MYO18B: variants seen among roughly 807,000 people sequenced by gnomAD.
The protein encoded by MYO18B is myosin XVIIIB.
A neutral mutation model predicts 273.0 loss-of-function variants in MYO18B; 204 were observed. The ratio of observed to expected loss-of-function variants is 0.75; its 90% CI spans 0.67 to 0.84. The LOEUF (loss-of-function observed/expected upper bound fraction) is 0.84. Ranked by LOEUF, MYO18B falls within the 40% of genes least tolerant of loss-of-function variation. The pLI, the probability that MYO18B is intolerant of heterozygous loss-of-function variation, is 0.00. For missense variants in MYO18B, 3,212 were observed against 3,287.6 expected, an observed-to-expected ratio of 0.98 and a Z score of 0.56; for synonymous variants, 1,330 against 1,305.7, an observed-to-expected ratio of 1.02 and a Z score of -0.40.
chr22:25,840,676 A>G lies in MYO18B; in HGVS notation c.3209-3059A>G, dbSNP rs1451930520. Reference sequence around the variant, plus strand: ...TCTAGAATCAAGGAAATGTATTATCAAAGGGAATGTTTTCTGGATCCTGCC... The same window carrying G: ...TCTAGAATCAAGGAAATGTATTATCGAAGGGAATGTTTTCTGGATCCTGCC... On this transcript the variant is annotated intron_variant, in intron 17 of 43. Transcript: ENST00000335473. 4.6e-5 allele frequency among the ~76,000 whole-genome samples: 7 copies of G among 152,350 alleles called. No homozygotes were observed. The East Asian group carries it at 5.8e-4, about 13-fold the overall frequency.
At chr22:25,946,743 C>T (rs1464637159) in intron 35 of MYO18B, among the ~76,000 whole-genome samples, 3 of 152,176 alleles carry the variant, frequency 2.0e-5, no homozygotes, top group Non-Finnish European at 2.9e-5. Flanking sequence ...TGTGTGCTCA[C>T]CATCATGAGA....
At chr22:25,859,653 G>C (rs1237057849) in intron 21 of MYO18B, among the ~76,000 whole-genome samples, 3 of 151,800 alleles carry the variant, frequency 2.0e-5, no homozygotes, top group Non-Finnish European at 4.4e-5. Context: ...CATGTGCCTA[G>C]TAGCCATTTT....
rs554329187 is a variant in MYO18B at position 25,795,811 on chromosome 22, A to G, written c.2377-2142A>G. ...GCTTTGACGTCGTCCCAATTGGTTG[A>G]TGATTCTTGCAAGTTTCCCAGTTAG... On this transcript the variant is annotated intron_variant, in intron 11 of 43. Transcript: ENST00000335473. Among the ~76,000 whole-genome samples, 10 of 152,294 alleles carry G rather than the reference A, an allele frequency of 6.6e-5. No individual in the cohort carries two copies. In the South Asian group the frequency reaches 2.1e-3, roughly 32 times the overall value.
chr22:25,785,243 G>A (rs570764723), intron 10 of MYO18B, among the ~76,000 whole-genome samples, 185 bp from the exon 11 acceptor site: 22 of 152,202 alleles, frequency 1.4e-4, no homozygotes, highest in Non-Finnish European at 2.4e-4. Flanking sequence ...TGAGGGCTGT[G>A]CGTGAGGAAT....
intron 3 of MYO18B, among the ~76,000 whole-genome samples, chr22:25,766,716 G>C (rs1050523177): frequency 2.0e-5 from 3 of 152,232 alleles, no homozygotes; most frequent in Non-Finnish European, 2.9e-5. Context: ...GACCAGTACA[G>C]TTCATGCATG....
At chr22:26,062,240 C>T in the MYO18B span, among the ~76,000 whole-genome samples, 1 of 152,166 alleles carries the variant, frequency 6.6e-6, no homozygotes, top group South Asian at 2.1e-4. Context: ...TCATCTTCAA[C>T]AACAGAGTTG....
chr22:25,856,356 A>T (rs1366052867), intron 21 of MYO18B, among the ~76,000 whole-genome samples: 1 of 152,246 alleles, frequency 6.6e-6, no homozygotes, highest in Non-Finnish European at 1.5e-5. Flanking sequence ...GGGCAGGCAA[A>T]GTATTTAGTG....
At chr22:25,877,577 C>T (rs186210994) in intron 24 of MYO18B, among the ~76,000 whole-genome samples, 2 of 152,272 alleles carry the variant, frequency 1.3e-5, no homozygotes, top group Admixed American at 1.3e-4. Flanking sequence ...AAGTGATTCT[C>T]CTGCCTCAAG....
chr22:25,989,155 G>A (rs1279677350), intron 39 of MYO18B, among the ~76,000 whole-genome samples: 1 of 152,172 alleles, frequency 6.6e-6, no homozygotes, highest in Non-Finnish European at 1.5e-5. Context: ...GCAAAACGAG[G>A]AGGGGATGTC....
chr22:26,021,663 A>G (rs1393187423), intron 42 of MYO18B, among the ~76,000 whole-genome samples: 2 of 152,216 alleles, frequency 1.3e-5, no homozygotes, highest in African/African-American at 2.4e-5. Flanking sequence ...CAGCTAAGGA[A>G]GCTGAGGGTT....
the MYO18B span, among the ~76,000 whole-genome samples, chr22:26,059,019 C>G: frequency 6.6e-6 from 1 of 152,114 alleles, no homozygotes; most frequent in African/African-American, 2.4e-5. Flanking sequence ...GCCTCTTCAC[C>G]TTTTTAAAAT....
Position 26,031,019 on chromosome 22 carries a change from CAAAT to C in MYO18B, c.*594_*597del, listed in dbSNP as rs1936649580. The C allele has an allele frequency of 2.5e-6, 1 of 398,184 alleles. No homozygotes were observed. Among genetic ancestry groups the C allele is most frequent in the Non-Finnish European group, 4.4e-6 (1 of 225,972 alleles). The allele number at this position is 398,184 out of a possible 1,614,324, so 24.7% of individuals were successfully genotyped here. A position where few individuals can be genotyped will look rare whatever the true frequency, so the allele number is the denominator to read the frequency against. The stretch of plus-strand genomic sequence containing the variant: ...ATGAATGAATGAATGAGCCAAAGAA[CAAAT>C]AAATGAGCCCACACACCCTGAACGC... On this transcript the variant is annotated 3_prime_UTR_variant, in exon 44 of 44. Coordinates refer to ENST00000335473, the MANE Select transcript of MYO18B (RefSeq NM_032608.7).
At chr22:26,003,126 G>C in intron 40 of MYO18B, 139 bp from the exon 41 acceptor site, 1 of 735,126 alleles carries the variant, frequency 1.4e-6, no homozygotes, top group Non-Finnish European at 2.4e-6. Context: ...CTCAGGGAAG[G>C]CAAGTGACTT....
At chr22:25,876,590 A>C (rs2091206195) in intron 24 of MYO18B, among the ~76,000 whole-genome samples, 1 of 152,190 alleles carries the variant, frequency 6.6e-6, no homozygotes, top group South Asian at 2.1e-4. Context: ...AACACTCACT[A>C]CTTAACCCAG....
At chr22:26,024,941 G>A (rs1400308069) in intron 42 of MYO18B, among the ~76,000 whole-genome samples, 1 of 152,166 alleles carries the variant, frequency 6.6e-6, no homozygotes, top group South Asian at 2.1e-4. Flanking sequence ...TACATTTGTT[G>A]TCTGATTCAT....
intron 17 of MYO18B, among the ~76,000 whole-genome samples, chr22:25,841,978 C>T (rs1337398203): frequency 6.6e-6 from 1 of 152,244 alleles, no homozygotes; most frequent in Non-Finnish European, 1.5e-5. Flanking sequence ...GACTGCACAG[C>T]TCTGAAAGCG....
chr22:25,918,485 A>G (rs1406478215), intron 33 of MYO18B, among the ~76,000 whole-genome samples: 1 of 152,234 alleles, frequency 6.6e-6, no homozygotes, highest in Non-Finnish European at 1.5e-5. Flanking sequence ...GCAGAATGAC[A>G]TTTATTTCCC....
intron 28 of MYO18B, chr22:25,897,968 G>A: frequency 4.6e-6 from 1 of 215,638 alleles, no homozygotes; most frequent in Non-Finnish European, 9.2e-6. Context: ...CATGTCGGCT[G>A]GTGGGGATAT....
chr22:25,826,567 G>C, intron 14 of MYO18B, 68 bp downstream of exon 14: 1 of 1,422,872 alleles, frequency 7.0e-7, no homozygotes. Context: ...CACATACCGG[G>C]CAGTTGAACA....
Sources: allele counts gnomAD v4.1 joint callset (sites outside exome capture counted in the v4.1 genomes callset), GRCh38; gene constraint gnomAD v4.1.1; transcripts MANE v1.5; gene names NCBI Gene and HGNC (gene_info 2026-07-23, HGNC 2026-07-21).